WNT3A: variants seen among roughly 807,000 people sequenced by gnomAD.
WNT3A encodes the protein Wnt family member 3A.
WNT3A carries 17 observed loss-of-function variants against 37.0 expected under a neutral mutation model. The ratio of observed to expected loss-of-function variants is 0.46; its 90% CI spans 0.31 to 0.69. WNT3A has a LOEUF of 0.69. Among genes scored for constraint, WNT3A ranks in the 30% least tolerant of loss-of-function variants. The pLI, the probability that WNT3A is intolerant of heterozygous loss-of-function variation, is 0.05. For synonymous variants in WNT3A, 187 were observed against 211.0 expected (o/e 0.89, Z 0.99); for missense variants, 411 against 510.2 (o/e 0.81, Z 1.87).
chr1:228,060,495 A>C lies in WNT3A; in HGVS notation c.*1030A>C, dbSNP rs1002806162. 2.0e-5 allele frequency: 7 copies of C among 357,994 alleles called. No individual in the cohort carries two copies. The highest frequency in any genetic ancestry group is 5.3e-6 in the Non-Finnish European group (1 of 188,276). The allele number at this position is 357,994 out of a possible 1,614,324, so 22.2% of individuals were successfully genotyped here. A position where few individuals can be genotyped will look rare whatever the true frequency, so the allele number is the denominator to read the frequency against. ...CTCCCAGCCCCCAACCCCAAGACCA[A>C]GCTTAGTCCTGGGAGAGGACAGGGA... On this transcript the variant is annotated 3_prime_UTR_variant, in exon 4 of 4. Transcript: ENST00000284523.
At chr1:228,025,938 T>C (rs1424896896) in intron 2 of WNT3A, among the ~76,000 whole-genome samples, 1 of 146,574 alleles carries the variant, frequency 6.8e-6, no homozygotes, top group Non-Finnish European at 1.5e-5. Flanking sequence ...TTTTTTTTTT[T>C]GTAGAGATGG....
intron 1 of WNT3A, among the ~76,000 whole-genome samples, chr1:228,009,789 T>C (rs2030317567): frequency 6.6e-6 from 1 of 152,168 alleles, no homozygotes; most frequent in Non-Finnish European, 1.5e-5. Context: ...GGTGTCCCTG[T>C]GGCCAGCAGC....
In WNT3A at chr1:228,008,614, G is replaced by A. The variant is rs1253494146; in HGVS notation, c.71+1415G>A. Among the ~76,000 whole-genome samples, 2 of 152,162 alleles carry A rather than the reference G, an allele frequency of 1.3e-5. No homozygotes were observed. Among genetic ancestry groups the A allele is most frequent in the Non-Finnish European group, 2.9e-5 (2 of 68,004 alleles). On this transcript the variant is annotated intron_variant, in intron 1 of 3. Coordinates refer to ENST00000284523, the MANE Select transcript of WNT3A (RefSeq NM_033131.4). The surrounding 1 kb of genome is among the most constrained non-coding windows in gnomAD (Gnocchi z 4.9). ...GGGTCAGGCTCGGGGCTCGCCTTGG[G>A]GTGCGGGGATACTGACGCGCGTCCA...
chr1:228,036,260 TTGTG>T (rs988533170), intron 2 of WNT3A, among the ~76,000 whole-genome samples: 1 of 152,142 alleles, frequency 6.6e-6, no homozygotes, highest in Non-Finnish European at 1.5e-5. Context: ...GCCCAGCCTC[TTGTG>T]TGTGTGTGCA....
chr1:228,025,019 C>T (rs976598454), intron 2 of WNT3A, among the ~76,000 whole-genome samples: 41 of 152,274 alleles, frequency 2.7e-4, no homozygotes, highest in African/African-American at 9.6e-4. Context: ...GTCACCAATA[C>T]CACATTATTT....
At chr1:228,053,562 C>T (rs903136161) in intron 3 of WNT3A, among the ~76,000 whole-genome samples, 1 of 152,136 alleles carries the variant, frequency 6.6e-6, no homozygotes, top group Non-Finnish European at 1.5e-5. Flanking sequence ...CATTCACATA[C>T]ATACATCCAC....
Position 228,039,790 on chromosome 1 carries a change from G to C in WNT3A, c.314-10866G>C, listed in dbSNP as rs2031234670. ...CTAATTCCCTGATGGGCTTCCCAGAGGGGCCAGCCTGGGTGAAGCCCTTCA... is the reference window on the plus strand; with the variant it reads ...CTAATTCCCTGATGGGCTTCCCAGACGGGCCAGCCTGGGTGAAGCCCTTCA... On this transcript the variant is annotated intron_variant, in intron 2 of 3. Coordinates refer to ENST00000284523, the MANE Select transcript of WNT3A (RefSeq NM_033131.4). The surrounding 1 kb of genome is among the most constrained non-coding windows in gnomAD (Gnocchi z 4.1). Among the ~76,000 whole-genome samples the C allele has an allele frequency of 6.6e-6, 1 of 152,214 alleles. No homozygotes were observed. The highest frequency in any genetic ancestry group is 6.5e-5 in the Admixed American group (1 of 15,284).
At chr1:228,047,332 G>A (rs1376600038) in intron 2 of WNT3A, among the ~76,000 whole-genome samples, 3 of 152,190 alleles carry the variant, frequency 2.0e-5, no homozygotes, top group Non-Finnish European at 4.4e-5. Flanking sequence ...AGGGGGCTTT[G>A]TCAACAGCCA....
chr1:228,007,125 G>T lies in WNT3A; in HGVS notation c.-4G>T, dbSNP rs756679124. The T allele has an allele frequency of 1.7e-5, 26 of 1,571,910 alleles. No individual in the cohort carries two copies. In the South Asian group the frequency reaches 3.0e-4, roughly 18 times the overall value. On this transcript the variant is annotated 5_prime_UTR_variant, in exon 1 of 4. Coordinates refer to ENST00000284523, the MANE Select transcript of WNT3A (RefSeq NM_033131.4). This position sits in a 1 kb window ranked among gnomAD's most constrained non-coding sequence, Gnocchi z 6.0. The stretch of plus-strand genomic sequence containing the variant: ...CCCGGCCCTCCGCGCCCTCTCGCGC[G>T]GCGATGGCCCCACTCGGATACTTCT...
chr1:228,055,970 A>G (rs915377807), intron 3 of WNT3A, among the ~76,000 whole-genome samples: 1 of 152,224 alleles, frequency 6.6e-6, no homozygotes, highest in African/African-American at 2.4e-5. Flanking sequence ...ATGGAAGTTC[A>G]TGCCTTTCTC....
intron 2 of WNT3A, among the ~76,000 whole-genome samples, chr1:228,046,918 T>C (rs1218274384): frequency 1.3e-5 from 2 of 152,130 alleles, no homozygotes; most frequent in Non-Finnish European, 2.9e-5. Flanking sequence ...CATGTGCGCA[T>C]GTGGCTGTGC....
rs2031739865 is a variant in WNT3A, at chr1:228,059,069, A to G, written c.663A>G (p.Gln221=). 2 of 1,613,614 alleles carry G rather than the reference A, an allele frequency of 1.2e-6. No individual in the cohort carries two copies. Among genetic ancestry groups the G allele is most frequent in the Non-Finnish European group, 1.7e-6 (2 of 1,179,960 alleles). ...AGGTGAAGACATGCTGGTGGTCGCA[A>G]CCCGACTTCCGCGCCATCGGTGACT... ...SCEVKTCWWS[Q]PDFRAIGDFL... is the part of the protein sequence containing the mutation. Residue 221 remains glutamine (Q), a synonymous_variant, in exon 4 of 4, where the codon CAA becomes CAG. Coordinates refer to ENST00000284523, the MANE Select transcript of WNT3A (RefSeq NM_033131.4).
chr1:228,045,454 A>T (rs951520799), intron 2 of WNT3A, among the ~76,000 whole-genome samples: 1 of 152,118 alleles, frequency 6.6e-6, no homozygotes, highest in African/African-American at 2.4e-5. Flanking sequence ...TCTACCTCTC[A>T]AGCTGCCCTA....
rs766362070 is a variant in WNT3A, at chr1:228,007,551, G to T, written c.71+352G>T. Among the ~76,000 whole-genome samples the T allele has an allele frequency of 6.6e-6, 1 of 152,166 alleles. No individual in the cohort carries two copies. Among genetic ancestry groups the T allele is most frequent in the Non-Finnish European group, 1.5e-5 (1 of 68,022 alleles). ...AGGGGACAGGCAGCTCGAGGCCAGG[G>T]GACAGGCGAGGGAAGAGGGCCAGCG... is the stretch of plus-strand genomic sequence containing the variant. On this transcript the variant is annotated intron_variant, in intron 1 of 3. Transcript: ENST00000284523. The surrounding 1 kb of genome is among the most constrained non-coding windows in gnomAD (Gnocchi z 6.0).
In WNT3A at chr1:228,050,558, T is replaced by C; in HGVS notation, c.314-98T>C. 1 of 1,434,200 alleles carries C rather than the reference T, an allele frequency of 7.0e-7. No individual in the cohort carries two copies. Among genetic ancestry groups the C allele is most frequent in the East Asian group, 2.4e-5 (1 of 41,740 alleles). 88.8% of individuals were successfully genotyped at this position (1,434,200 alleles called of 1,614,324 possible). On this transcript the variant is annotated intron_variant, in intron 2 of 3. Coordinates refer to ENST00000284523, the MANE Select transcript of WNT3A (RefSeq NM_033131.4). The surrounding 1 kb of genome is among the most constrained non-coding windows in gnomAD (Gnocchi z 5.0). ...TTATACACCACCCAACCTCACGAGT[T>C]CCTTTATAACAATGCAAATGGGCTA...
At chr1:228,048,070 T>C (rs2031463883) in intron 2 of WNT3A, among the ~76,000 whole-genome samples, 1 of 152,146 alleles carries the variant, frequency 6.6e-6, no homozygotes, top group African/African-American at 2.4e-5. Context: ...GATGACTCTG[T>C]TGTGACCCTA....
At chr1:228,020,210 G>A (rs1350474897) in intron 1 of WNT3A, among the ~76,000 whole-genome samples, 4 of 152,220 alleles carry the variant, frequency 2.6e-5, no homozygotes, top group East Asian at 3.9e-4. Flanking sequence ...GCAACAGAGC[G>A]AGACTCCGTC....
intron 3 of WNT3A, 29 bp from the exon 4 acceptor site, chr1:228,058,957 T>C: frequency 6.3e-7 from 1 of 1,584,726 alleles, no homozygotes; most frequent in Non-Finnish European, 8.6e-7. Flanking sequence ...GGGGCCGCCC[T>C]GACGCTGGCT....
At chr1:228,020,139 G>A (rs1040074318) in intron 1 of WNT3A, among the ~76,000 whole-genome samples, 3 of 152,308 alleles carry the variant, frequency 2.0e-5, no homozygotes, top group East Asian at 3.9e-4. Flanking sequence ...CAGGAGAATC[G>A]CTTGAGCCAA....
Sources: gnomAD v4.1 joint callset for allele counts (sites outside exome capture counted in the v4.1 genomes callset) on GRCh38, gnomAD v4.1.1 for gene constraint, Gnocchi (gnomAD v3.1) non-coding constraint, MANE v1.5 for transcripts, NCBI Gene and HGNC (gene_info 2026-07-23, HGNC 2026-07-21) for gene names.